Variants in RIN2 observed in about 807,000 individuals in gnomAD.
RIN2 encodes RAB5 interacting protein 2.
RIN2 carries 36 observed loss-of-function variants against 78.0 expected under a neutral mutation model. The ratio of observed to expected loss-of-function variants is 0.46; its 90% CI spans 0.35 to 0.61. The LOEUF is 0.61. RIN2 is among the 20% of genes least tolerant of loss of function. The pLI is 0.00. For missense variants in RIN2, 1,087 were observed against 1,159.7 expected (o/e 0.94, Z 0.91); for synonymous variants, 466 against 466.8 (o/e 1.00, Z 0.02).
At chr20:19,934,226 A>G (rs1201824395) in intron 3 of RIN2, among the ~76,000 whole-genome samples, 1 of 152,258 alleles carries the variant, frequency 6.6e-6, no homozygotes, top group Non-Finnish European at 1.5e-5. Context: ...TTATTTTAAA[A>G]CAATAATGGA....
Position 19,972,588 on chromosome 20 carries a change from C to T in RIN2, c.628+1659C>T, listed in dbSNP as rs74814078. The stretch of plus-strand genomic sequence containing the variant: ...TACTGTTCATCAAACTAATATTCCT[C>T]GAGGGTCTGCTTTGTGGCAGACACT... On this transcript the variant is annotated intron_variant, in intron 8 of 12. Transcript: ENST00000255006. Among the ~76,000 whole-genome samples, 659 of 152,342 alleles carry T rather than the reference C, an allele frequency of 4.3e-3. 5 individuals carry two copies. Among genetic ancestry groups the T allele is most frequent in the African/African-American group, 0.015 (606 of 41,574 alleles).
intron 2 of RIN2, among the ~76,000 whole-genome samples, chr20:19,871,339 G>A (rs1022214695): frequency 1.4e-4 from 21 of 152,082 alleles, no homozygotes; most frequent in Admixed American, 9.2e-4. Flanking sequence ...AGGCCAAGAC[G>A]GGGCTTCACT....
chr20:19,853,785 T>C (rs2037070307), intron 2 of RIN2, among the ~76,000 whole-genome samples: 2 of 152,248 alleles, frequency 1.3e-5, no homozygotes, highest in Non-Finnish European at 2.9e-5. Flanking sequence ...ATTAGCCCTT[T>C]GTCAGATGAG....
chr20:19,854,912 G>T (rs572628882), intron 2 of RIN2, among the ~76,000 whole-genome samples: 1 of 152,096 alleles, frequency 6.6e-6, no homozygotes, highest in Admixed American at 6.6e-5. Flanking sequence ...AACTTCCAAG[G>T]CTATGTTGAA....
chr20:19,921,104 G>A (rs541228318), intron 3 of RIN2, among the ~76,000 whole-genome samples: 1 of 152,314 alleles, frequency 6.6e-6, no homozygotes, highest in East Asian at 1.9e-4. Flanking sequence ...GCCCTTCACA[G>A]CCTCTCCCAT....
chr20:19,858,455 A>G (rs1373861972), intron 2 of RIN2, among the ~76,000 whole-genome samples: 1 of 152,218 alleles, frequency 6.6e-6, no homozygotes, highest in Non-Finnish European at 1.5e-5. Context: ...TCCAGCCCAA[A>G]TATCTGCATT....
chr20:19,911,125 A>G (rs2039447959), intron 3 of RIN2, among the ~76,000 whole-genome samples: 1 of 151,956 alleles, frequency 6.6e-6, no homozygotes, highest in Admixed American at 6.6e-5. Flanking sequence ...AACTCGACTC[A>G]CTGCAACCTC....
rs185147247 is a variant in RIN2 at position 19,812,464 on chromosome 20, G to A, written c.-37+12717G>A. On this transcript the variant is annotated intron_variant, in intron 2 of 12. Transcript: ENST00000255006. ...TTTTAGCCTTTCCCTACAGACTAAT[G>A]ATGTTAAGCATCTTTTCATGTGCTC... Among the ~76,000 whole-genome samples the A allele has an allele frequency of 2.2e-3, 332 of 152,260 alleles. 2 individuals carry two copies. The highest frequency in any genetic ancestry group is 0.01 in the Middle Eastern group (3 of 294).
Position 19,974,950 on chromosome 20 carries a change from C to A in RIN2, c.925C>A (p.Pro309Thr), listed in dbSNP as rs199702936. Residue 309 changes from proline (P) to threonine (T), a missense_variant, in exon 9 of 13, where the codon CCC becomes ACC. Transcript: ENST00000255006. ...NGTERTRSPPPRPPPPAINSL... is the reference protein window; with the variant it reads ...NGTERTRSPPTRPPPPAINSL... ...CACGGAGCGGACTCGGTCCCCCCCA[C>A]CCAGGCCCCCGCCACCCGCTATTAA... The A allele has an allele frequency of 5.0e-6, 8 of 1,593,438 alleles. No individual in the cohort carries two copies. In the East Asian group the frequency reaches 1.8e-4, roughly 36 times the overall value.
At chr20:19,931,780 A>G (rs1011834547) in intron 3 of RIN2, among the ~76,000 whole-genome samples, 2 of 149,940 alleles carry the variant, frequency 1.3e-5, no homozygotes, top group Non-Finnish European at 2.9e-5. Context: ...GTTCATACAT[A>G]CAGTTCTGGT....
At chr20:19,779,275 T>C (rs2034415281) in intron 1 of RIN2, among the ~76,000 whole-genome samples, 1 of 152,018 alleles carries the variant, frequency 6.6e-6, no homozygotes, top group African/African-American at 2.4e-5. Context: ...GTCAAAGTGA[T>C]ACCAGGCATT....
At chr20:19,854,019 C>A (rs1381753165) in intron 2 of RIN2, among the ~76,000 whole-genome samples, 1 of 152,156 alleles carries the variant, frequency 6.6e-6, no homozygotes, top group Non-Finnish European at 1.5e-5. Context: ...TTAGGTCTAA[C>A]CTTTAAGTCT....
At chr20:19,996,081 G>A (rs571363306) in intron 11 of RIN2, among the ~76,000 whole-genome samples, 2 of 152,258 alleles carry the variant, frequency 1.3e-5, no homozygotes, top group African/African-American at 4.8e-5. Context: ...TTGAGAGGCC[G>A]AGACAGGTGG....
At chr20:19,947,023 A>T (rs1291445793) in intron 4 of RIN2, among the ~76,000 whole-genome samples, 3 of 114,210 alleles carry the variant, frequency 2.6e-5, no homozygotes, top group East Asian at 2.7e-4. Flanking sequence ...AGACTGTCTT[A>T]AAAAAAAAAA....
intron 12 of RIN2, among the ~76,000 whole-genome samples, chr20:19,999,826 T>C (rs1217188233): frequency 6.6e-6 from 1 of 152,218 alleles, no homozygotes; most frequent in Admixed American, 6.5e-5. Flanking sequence ...ATCAGCTCCA[T>C]CTGCAAAGTA....
chr20:19,817,335 G>T (rs1452584648), intron 2 of RIN2, among the ~76,000 whole-genome samples: 2 of 152,210 alleles, frequency 1.3e-5, no homozygotes, highest in Admixed American at 1.3e-4. Flanking sequence ...CTTCAAAGAT[G>T]AAGGTTTCTA....
chr20:19,894,517 C>T (rs2038629445), intron 3 of RIN2, among the ~76,000 whole-genome samples: 1 of 152,166 alleles, frequency 6.6e-6, no homozygotes, highest in African/African-American at 2.4e-5. Context: ...TTCCCAAATC[C>T]CTGGGATTTC....
chr20:19,773,196 C>T (rs920933471), intron 1 of RIN2, among the ~76,000 whole-genome samples: 1 of 152,196 alleles, frequency 6.6e-6, no homozygotes, highest in African/African-American at 2.4e-5. Context: ...GTCCTCACAT[C>T]GTCCTCCAGG....
intron 5 of RIN2, 63 bp from the exon 6 acceptor site, chr20:19,960,637 A>G: frequency 8.2e-7 from 1 of 1,225,668 alleles, no homozygotes; most frequent in Non-Finnish European, 1.2e-6. Context: ...GAGGGAAACC[A>G]GATGCTTGGG....
Sources: allele counts gnomAD v4.1 joint callset (sites outside exome capture counted in the v4.1 genomes callset), GRCh38; gene constraint gnomAD v4.1.1; transcripts MANE v1.5; gene names NCBI Gene and HGNC (gene_info 2026-07-23, HGNC 2026-07-21).